The following EHD1 variants were observed in gnomAD, a reference collection of about 807,000 sequenced individuals.
EHD1 encodes the protein EH domain-containing protein 1.
EHD1 carries 19 observed loss-of-function variants against 39.0 expected under a neutral mutation model. The observed-to-expected ratio is 0.49, with a 90% CI of 0.34 to 0.72. The LOEUF is 0.72. Among genes scored for constraint, EHD1 ranks in the 30% least tolerant of loss-of-function variants. EHD1 has a pLI of 0.01. For synonymous variants in EHD1, 323 were observed against 331.2 expected, an observed-to-expected ratio of 0.98 and a Z score of 0.27; for missense variants, 542 against 751.5, an observed-to-expected ratio of 0.72 and a Z score of 3.26.
At chr11:64,855,876 ACACACCCTC>A (rs1943646398) in intron 3 of EHD1, 1 of 203,108 alleles carries the variant, frequency 4.9e-6, no homozygotes, top group Non-Finnish European at 9.9e-6. Flanking sequence ...ACCACGCATC[ACACACCCTC>A]CGCTCAACCC....
Position 64,857,978 on chromosome 11 carries a change from G to A in EHD1, c.915+1946C>T, listed in dbSNP as rs548928708. 9.9e-5 allele frequency among the ~76,000 whole-genome samples: 15 copies of A among 151,338 alleles called. No homozygotes were observed. The East Asian group carries it at 2.7e-3, about 27-fold the overall frequency. Reference sequence around the variant, plus strand: ...GCTTGGCAGGCAGGACAGTTCCCCAGCCACGCTCCGGCCTGGCTGGCCTGG... The same window carrying A: ...GCTTGGCAGGCAGGACAGTTCCCCAACCACGCTCCGGCCTGGCTGGCCTGG... On this transcript the variant is annotated intron_variant, in intron 3 of 4. Coordinates refer to ENST00000320631, the MANE Select transcript of EHD1 (RefSeq NM_006795.4).
chr11:64,877,940 A>G, intron 1 of EHD1, 121 bp downstream of exon 1: 1 of 1,050,278 alleles, frequency 9.5e-7, no homozygotes, highest in Non-Finnish European at 1.3e-6. Flanking sequence ...GTGGTCACTG[A>G]GGGTCTCACT....
At chr11:64,863,568 C>T (rs1028118613) in intron 2 of EHD1, among the ~76,000 whole-genome samples, 11 of 152,220 alleles carry the variant, frequency 7.2e-5, no homozygotes, top group African/African-American at 2.2e-4. Context: ...CGCACAAGCA[C>T]GCCAAGATAA....
At position 64,878,434 on chromosome 11, in the gene EHD1, G is replaced by A. The variant is rs775447750; in HGVS notation, c.31C>T (p.Arg11Cys). Residue 11 changes from arginine to cysteine, a missense_variant, in exon 1 of 5, where the codon CGC becomes TGC. Coordinates refer to ENST00000320631, the MANE Select transcript of EHD1 (RefSeq NM_006795.4). ...TGGAAGAGCTCCGGCTCCTTCTTGCGGCGGGCATCCTTGCTGACCCAGCTG... is the reference window on the plus strand; with the variant it reads ...TGGAAGAGCTCCGGCTCCTTCTTGCAGCGGGCATCCTTGCTGACCCAGCTG... MFSWVSKDARRKKEPELFQTV... is the reference protein window; with the variant it reads MFSWVSKDARCKKEPELFQTV... 3.1e-6 allele frequency: 5 copies of A among 1,612,348 alleles called. No homozygotes were observed. Among genetic ancestry groups the A allele is most frequent in the Non-Finnish European group, 3.4e-6 (4 of 1,179,540 alleles).
Position 64,860,229 on chromosome 11 carries a change from T to C in EHD1, c.610A>G (p.Ile204Val), listed in dbSNP as rs754658374. 1.2e-6 allele frequency: 2 copies of C among 1,614,030 alleles called. No individual in the cohort carries two copies. Among genetic ancestry groups the C allele is most frequent in the South Asian group, 2.2e-5 (2 of 91,076 alleles). Residue 204 changes from isoleucine (I) to valine (V), a missense_variant, in exon 3 of 5, where the codon ATC (isoleucine) becomes GTC (valine). Ile to Val is a conservative substitution (Grantham distance 29). Transcript: ENST00000320631. ...TCCTCATGGTTCTTCAGAGCCTTGA[T>C]CACTTCCGAGAACTCATCGGAGATG... is the stretch of plus-strand genomic sequence containing the variant. ...LDISDEFSEV[I>V]KALKNHEDKI...
upstream of EHD1, chr11:64,878,690 G>A: frequency 2.2e-6 from 3 of 1,356,202 alleles, no homozygotes; most frequent in Non-Finnish European, 1.9e-6. Context: ...CCGCCGCGGC[G>A]GGGGCAGGGC....
chr11:64,874,622 C>G (rs1169162475), intron 1 of EHD1, 104 bp from the exon 2 acceptor site: 2 of 928,670 alleles, frequency 2.2e-6, no homozygotes, highest in African/African-American at 3.5e-5. Flanking sequence ...CTCTGGCTTC[C>G]TCTCCAGCAG....
At chr11:64,857,969 A>C (rs1416870508) in intron 3 of EHD1, among the ~76,000 whole-genome samples, 6 of 151,260 alleles carry the variant, frequency 4.0e-5, no homozygotes, top group African/African-American at 1.5e-4. Context: ...CAGGCAGGAC[A>C]GTTCCCCAGC....
Position 64,866,680 on chromosome 11 carries a change from C to CA in EHD1, c.503-6345dup, listed in dbSNP as rs1373156962. ...GGGTGACAGAGTGAGACCCTGTCTCCAAAAAAAAAAAAAGAAAAGAAAAAC... is the reference window on the plus strand; with the variant it reads ...GGGTGACAGAGTGAGACCCTGTCTCCAAAAAAAAAAAAAAGAAAAGAAAAAC... On this transcript the variant is annotated intron_variant, in intron 2 of 4. Coordinates refer to ENST00000320631, the MANE Select transcript of EHD1 (RefSeq NM_006795.4). Among the ~76,000 whole-genome samples the CA allele has an allele frequency of 5.6e-3, 664 of 117,840 alleles. 2 individuals are homozygous for CA. Among genetic ancestry groups the CA allele is most frequent in the South Asian group, 7.3e-3 (27 of 3,714 alleles). 77.3% of individuals were successfully genotyped at this position (117,840 alleles called of 152,430 possible). A position where few individuals can be genotyped will look rare whatever the true frequency, so the allele number is the denominator to read the frequency against.
In EHD1 at chr11:64,851,826, T is replaced by A. The variant is rs1428885190; in HGVS notation, c.*2507A>T. 6.6e-6 allele frequency: 1 copy of A among 152,238 alleles called. No homozygotes were observed. The highest frequency in any genetic ancestry group is 1.5e-5 in the Non-Finnish European group (1 of 68,038). 9.4% of individuals were successfully genotyped at this position (152,238 alleles called of 1,614,324 possible). A position where few individuals can be genotyped will look rare whatever the true frequency, so the allele number is the denominator to read the frequency against. ...CATCTGCTTCTACCACCTTTGTTAT[T>A]TCGGCAGTCCTCAGTCTCGGACTCT... On this transcript the variant is annotated 3_prime_UTR_variant, in exon 5 of 5. Coordinates refer to ENST00000320631, the MANE Select transcript of EHD1 (RefSeq NM_006795.4).
chr11:64,873,801 C>T (rs1270594379), intron 2 of EHD1, among the ~76,000 whole-genome samples: 3 of 151,744 alleles, frequency 2.0e-5, no homozygotes, highest in South Asian at 2.1e-4. Context: ...CTCAGCCTCC[C>T]GAGTAGCTGG....
Position 64,854,723 on chromosome 11 carries a change from A to T in EHD1, c.1215T>A (p.Pro405=). The T allele has an allele frequency of 6.2e-7, 1 of 1,612,768 alleles. No homozygotes were observed. Among genetic ancestry groups the T allele is most frequent in the Middle Eastern group, 1.6e-4 (1 of 6,062 alleles). The change falls in exon 5 of 5, where the codon CCT becomes CCA. Residue 405 remains proline (P), a synonymous_variant. Coordinates refer to ENST00000320631, the MANE Select transcript of EHD1 (RefSeq NM_006795.4). ...VMVRQEESLM[P]SQVVKGGAFD... The stretch of plus-strand genomic sequence containing the variant: ...AGGCGCCGCCCTTGACCACCTGGGA[A>T]GGCATCAGGGACTCCTCCTGCCGCA...
At chr11:64,876,042 G>A (rs765010243) in intron 1 of EHD1, among the ~76,000 whole-genome samples, 5 of 152,202 alleles carry the variant, frequency 3.3e-5, no homozygotes, top group African/African-American at 4.8e-5. Context: ...AAACAAGAAA[G>A]GGGAAGCAGC....
chr11:64,859,935 G>A lies in EHD1; in HGVS notation c.904C>T (p.Arg302Trp), dbSNP rs748477384. 5 of 1,611,628 alleles carry A rather than the reference G, an allele frequency of 3.1e-6. No homozygotes were observed. Among genetic ancestry groups the A allele is most frequent in the African/African-American group, 1.3e-5 (1 of 74,902 alleles). Residue 302 changes from arginine to tryptophan, a missense_variant, in exon 3 of 5, where the codon CGG (arginine) becomes TGG (tryptophan). Physicochemically the swap from Arg to Trp is moderately radical, Grantham distance 101. Transcript: ENST00000320631. ...ACCCCAGGGTCTACCTTGGCCAGCC[G>A]TGCCCGCTTGATCAGGTCATTGAGC... is the stretch of plus-strand genomic sequence containing the variant. ...RKLNDLIKRA[R>W]LAKVHAYIIS...
chr11:64,857,368 G>A (rs557408134), intron 3 of EHD1, among the ~76,000 whole-genome samples: 39 of 152,292 alleles, frequency 2.6e-4, no homozygotes, highest in Admixed American at 9.8e-4. Flanking sequence ...AGGTTGCAGT[G>A]AGCCGAGATT....
chr11:64,871,074 G>C (rs1350286195), intron 2 of EHD1, among the ~76,000 whole-genome samples: 1 of 152,070 alleles, frequency 6.6e-6, no homozygotes, highest in African/African-American at 2.4e-5. Flanking sequence ...GGGGAAAGGG[G>C]AAAAAAAGTC....
At chr11:64,855,634 C>G in intron 3 of EHD1, 148 bp from the exon 4 acceptor site, 3 of 1,092,336 alleles carry the variant, frequency 2.7e-6, no homozygotes, top group Non-Finnish European at 2.6e-6. Context: ...GCCGCTACCA[C>G]CACCGGCTCC....
At chr11:64,876,481 G>A (rs1943886713) in intron 1 of EHD1, among the ~76,000 whole-genome samples, 1 of 152,212 alleles carries the variant, frequency 6.6e-6, no homozygotes, top group Admixed American at 6.5e-5. Flanking sequence ...CAGATCCTGT[G>A]GCACCAATGT....
intron 2 of EHD1, among the ~76,000 whole-genome samples, chr11:64,865,750 T>C (rs146386483): frequency 2.0e-5 from 3 of 152,124 alleles, no homozygotes; most frequent in African/African-American, 7.2e-5. Flanking sequence ...AACGAGCATA[T>C]GAAAAAACTC....
Sources: gnomAD v4.1 joint callset for allele counts (sites outside exome capture counted in the v4.1 genomes callset) on GRCh38, gnomAD v4.1.1 for gene constraint, MANE v1.5 for transcripts, NCBI Gene and HGNC (gene_info 2026-07-23, HGNC 2026-07-21) for gene names.